The following GABRB3 variants were observed in gnomAD, a reference collection of about 807,000 sequenced individuals.
GABRB3 encodes the protein gamma-aminobutyric acid type A receptor subunit beta3.
GABRB3 carries 14 observed loss-of-function variants against 52.1 expected under a neutral mutation model. The ratio of observed to expected loss-of-function variants is 0.27; its 90% CI spans 0.18 to 0.42. The LOEUF (loss-of-function observed/expected upper bound fraction) is 0.42, where lower values mean the gene tolerates loss of function less well. Ranked by LOEUF, GABRB3 falls within the 10% of genes least tolerant of loss-of-function variation. The pLI is 1.00. For missense variants in GABRB3, 307 were observed against 609.1 expected, an observed-to-expected ratio of 0.50 and a Z score of 5.22; for synonymous variants, 260 against 232.3, an observed-to-expected ratio of 1.12 and a Z score of -1.08.
intron 8 of GABRB3, among the ~76,000 whole-genome samples, chr15:26,555,736 A>C (rs907982718): frequency 6.6e-6 from 1 of 152,224 alleles, no homozygotes; most frequent in Non-Finnish European, 1.5e-5. Flanking sequence ...TGTAACGGAA[A>C]CAACAGTGCA....
rs143174194 is a variant in GABRB3 at position 26,742,042 on chromosome 15, G to T, written c.240+30360C>A. Among the ~76,000 whole-genome samples, 871 of 151,978 alleles carry T rather than the reference G, an allele frequency of 5.7e-3. 7 individuals carry two copies. The highest frequency in any genetic ancestry group is 0.017 in the African/African-American group (714 of 41,438). On this transcript the variant is annotated intron_variant, in intron 3 of 8. Transcript: ENST00000311550. ...AATGCAATTTCTGGGTTAAAAGTAC[G>T]CGGTTTTTTTTATACTGGCCCCTTA...
chr15:26,581,208 C>T (rs568673963), intron 5 of GABRB3: 2 of 154,236 alleles, frequency 1.3e-5, no homozygotes, highest in Admixed American at 6.4e-5. Context: ...ACCCAGGAGT[C>T]TCCTAAAACA....
At chr15:26,587,475 G>A (rs1281509042) in intron 4 of GABRB3, among the ~76,000 whole-genome samples, 2 of 152,182 alleles carry the variant, frequency 1.3e-5, no homozygotes. Context: ...GTAGGCTGTG[G>A]AGCAGGAGCA....
At chr15:26,585,945 G>T (rs1280853282) in intron 4 of GABRB3, among the ~76,000 whole-genome samples, 1 of 152,138 alleles carries the variant, frequency 6.6e-6, no homozygotes, top group Non-Finnish European at 1.5e-5. Flanking sequence ...TCTTTATGAA[G>T]AAGAAAAGAA....
At chr15:26,622,964 G>C (rs964828885) in intron 3 of GABRB3, among the ~76,000 whole-genome samples, 4 of 152,232 alleles carry the variant, frequency 2.6e-5, no homozygotes, top group Admixed American at 6.5e-5. Context: ...AGTTAAAGGA[G>C]AGGCAGCATT....
chr15:26,595,598 C>A (rs1165310420), intron 4 of GABRB3, among the ~76,000 whole-genome samples: 1 of 152,098 alleles, frequency 6.6e-6, no homozygotes, highest in Non-Finnish European at 1.5e-5. Context: ...TGTGAGGGGA[C>A]AAGAGCTTGG....
At chr15:26,660,420 A>G (rs1182836413) in intron 3 of GABRB3, among the ~76,000 whole-genome samples, 1 of 152,150 alleles carries the variant, frequency 6.6e-6, no homozygotes, top group African/African-American at 2.4e-5. Flanking sequence ...TCCCAAGTCA[A>G]TTTCCTCGTT....
chr15:26,750,856 G>C (rs1468029828), intron 3 of GABRB3, among the ~76,000 whole-genome samples: 2 of 152,034 alleles, frequency 1.3e-5, no homozygotes, highest in Non-Finnish European at 2.9e-5. Context: ...ACATTTTTTT[G>C]CTAATTACTT....
intron 5 of GABRB3, among the ~76,000 whole-genome samples, chr15:26,582,686 A>G (rs1185511571): frequency 6.6e-6 from 1 of 152,216 alleles, no homozygotes; most frequent in African/African-American, 2.4e-5. Context: ...AAAGTCATTT[A>G]TCCCCCTAAA....
intron 3 of GABRB3, among the ~76,000 whole-genome samples, chr15:26,727,247 G>A (rs1045120467): frequency 1.3e-5 from 2 of 152,158 alleles, no homozygotes; most frequent in Non-Finnish European, 2.9e-5. Flanking sequence ...GTCGAATGAC[G>A]ACTGTCTAAT....
chr15:26,602,555 C>G (rs1353594785), intron 4 of GABRB3, among the ~76,000 whole-genome samples: 6 of 151,970 alleles, frequency 3.9e-5, no homozygotes, highest in African/African-American at 1.2e-4. Context: ...GAAATAATAC[C>G]AAGCATCTTC....
At chr15:26,551,706 C>T (rs151183789) in intron 8 of GABRB3, among the ~76,000 whole-genome samples, 7 of 152,264 alleles carry the variant, frequency 4.6e-5, no homozygotes, top group African/African-American at 7.2e-5. Flanking sequence ...AGAGTGTCAC[C>T]GCGGGGTCTT....
chr15:26,709,827 T>C (rs986545819), intron 3 of GABRB3, among the ~76,000 whole-genome samples: 1 of 152,128 alleles, frequency 6.6e-6, no homozygotes, highest in Non-Finnish European at 1.5e-5. Context: ...ATAAACCTCT[T>C]TTCTTTATAA....
At chr15:26,629,749 G>C (rs1201064435) in intron 3 of GABRB3, among the ~76,000 whole-genome samples, 1 of 152,126 alleles carries the variant, frequency 6.6e-6, no homozygotes, top group Non-Finnish European at 1.5e-5. Flanking sequence ...CCTGACTTTA[G>C]AAAACTACAG....
chr15:26,631,303 T>G (rs1469616658), intron 3 of GABRB3, among the ~76,000 whole-genome samples: 1 of 152,214 alleles, frequency 6.6e-6, no homozygotes, highest in African/African-American at 2.4e-5. Context: ...ACAACAAAGT[T>G]TCTTCCTGCT....
At chr15:26,556,184 GT>G (rs1367987938) in intron 8 of GABRB3, among the ~76,000 whole-genome samples, 1 of 152,150 alleles carries the variant, frequency 6.6e-6, no homozygotes, top group Non-Finnish European at 1.5e-5. Flanking sequence ...TTTCAATGAA[GT>G]TTTTCTTCCT....
chr15:26,627,305 T>C (rs1892737015), intron 3 of GABRB3, among the ~76,000 whole-genome samples: 1 of 139,790 alleles, frequency 7.2e-6, no homozygotes. Context: ...TGAATGTTGT[T>C]TTCATGTCTG....
chr15:26,699,681 A>G (rs937626786), intron 3 of GABRB3, among the ~76,000 whole-genome samples: 5 of 152,174 alleles, frequency 3.3e-5, no homozygotes, highest in African/African-American at 1.2e-4. Context: ...GGAAGTAGCT[A>G]TACACTAGAA....
chr15:26,698,686 TGG>T (rs942838314), intron 3 of GABRB3, among the ~76,000 whole-genome samples: 1 of 152,186 alleles, frequency 6.6e-6, no homozygotes, highest in African/African-American at 2.4e-5. Context: ...GCGATATTTA[TGG>T]GGCTAATCCT....
Sources: gnomAD v4.1 joint callset for allele counts (sites outside exome capture counted in the v4.1 genomes callset) on GRCh38, gnomAD v4.1.1 for gene constraint, MANE v1.5 for transcripts, NCBI Gene and HGNC (gene_info 2026-07-23, HGNC 2026-07-21) for gene names.